Variants in MINDY4B observed in about 807,000 individuals in gnomAD.
MINDY4B encodes the protein MINDY family member 4B, also known as inactive ubiquitin carboxyl-terminal hydrolase MINDY-4B.
Under a neutral mutation model 16.7 loss-of-function variants are expected in MINDY4B, and 25 were observed. The observed-to-expected ratio is 1.49, with a 90% CI of 1.09 to 2.09. MINDY4B has a LOEUF of 2.09. Ranked by LOEUF, MINDY4B falls within the 30% of genes most tolerant of loss-of-function variation. The pLI is 0.00. For missense variants in MINDY4B, 327 were observed against 168.4 expected (o/e 1.94, Z -5.21); for synonymous variants, 132 against 61.9 (o/e 2.13, Z -5.32).
chr3:150,893,692 T>G (rs1238329211), intron 4 of MINDY4B, among the ~76,000 whole-genome samples: 2 of 60,968 alleles, frequency 3.3e-5, no homozygotes, highest in African/African-American at 8.7e-5. Context: ...TAGTAGTTTT[T>G]TTTTGGGGGG....
intron 2 of MINDY4B, among the ~76,000 whole-genome samples, chr3:150,904,505 G>A (rs1352428154): frequency 6.6e-6 from 1 of 152,102 alleles, no homozygotes; most frequent in East Asian, 1.9e-4. Flanking sequence ...TTTATGCTGT[G>A]TTTGCTCAGT....
chr3:150,891,288 G>T, intron 5 of MINDY4B, 185 bp from the exon 6 acceptor site: 1 of 573,750 alleles, frequency 1.7e-6, no homozygotes, highest in South Asian at 2.1e-5. Flanking sequence ...CTCAGGGTCT[G>T]TCTAGCCTTC....
chr3:150,897,707 C>T lies in MINDY4B; in HGVS notation c.310-3402G>A, dbSNP rs1047710844. Among the ~76,000 whole-genome samples, 122 of 152,194 alleles carry T rather than the reference C, an allele frequency of 8.0e-4. 1 individual carries two copies. The highest frequency in any genetic ancestry group is 2.6e-3 in the African/African-American group (107 of 41,456). On this transcript the variant is annotated intron_variant, in intron 3 of 11. Coordinates refer to ENST00000465419, the MANE Select transcript of MINDY4B (RefSeq NM_001351281.2). ...CCCTCAAAAGAAAAGGTTGTCTCTA[C>T]TGAGAAAAGGGGGCAGGTGCACTTC... is the stretch of plus-strand genomic sequence containing the variant.
chr3:150,891,290 C>G, intron 5 of MINDY4B, 187 bp from the exon 6 acceptor site: 6 of 573,870 alleles, frequency 1.0e-5, no homozygotes, highest in Non-Finnish European at 1.9e-5. Flanking sequence ...CAGGGTCTGT[C>G]TAGCCTTCCC....
In MINDY4B at chr3:150,893,325, T is replaced by C; in HGVS notation, c.520A>G (p.Asn174Asp). 1 of 702,776 alleles carries C rather than the reference T, an allele frequency of 1.4e-6. No homozygotes were observed. The highest frequency in any genetic ancestry group is 2.6e-6 in the Non-Finnish European group (1 of 384,826). The allele number at this position is 702,776 out of a possible 1,614,324, so 43.5% of individuals were successfully genotyped here. ...AAGTACTTCTCACAGTCCTCTTACT[T>C]GCCAAGGTTACAGTCTTTTCCTTTC... is the stretch of plus-strand genomic sequence containing the variant. The part of the protein sequence containing the change: ...TRKGKDCNLG[N>D]LCEISKKEQE... The change falls in exon 5 of 12, where the codon AAC becomes GAC. Residue 174 changes from asparagine to aspartate, a missense_variant and splice_region_variant. By Grantham distance (23) the Asn-to-Asp change is conservative. Transcript: ENST00000465419.
At chr3:150,874,657 A>G (rs557735766) in intron 10 of MINDY4B, among the ~76,000 whole-genome samples, 1 of 152,190 alleles carries the variant, frequency 6.6e-6, no homozygotes, top group Admixed American at 6.5e-5. Context: ...TTGCCATTCT[A>G]TTTCTTTTCT....
intron 7 of MINDY4B, among the ~76,000 whole-genome samples, chr3:150,888,877 G>T (rs1332563196): frequency 6.6e-6 from 1 of 152,160 alleles, no homozygotes; most frequent in Non-Finnish European, 1.5e-5. Context: ...TGGGTGGAGG[G>T]GGTTCTTCCT....
At position 150,903,751 on chromosome 3, in the gene MINDY4B, A is replaced by C. The variant is rs77040125; in HGVS notation, c.142-335T>G. 2.8e-4 allele frequency among the ~76,000 whole-genome samples: 42 copies of C among 152,362 alleles called. No homozygotes were observed. The East Asian group carries it at 7.1e-3, about 26-fold the overall frequency. ...GTTTTGAGAAGACAACATTTTATAA[A>C]CTTTGAACGAATCTTTCCAGTTTAC... is the stretch of plus-strand genomic sequence containing the variant. On this transcript the variant is annotated intron_variant, in intron 2 of 11. Transcript: ENST00000465419.
intron 10 of MINDY4B, among the ~76,000 whole-genome samples, chr3:150,876,776 C>T (rs1711497460): frequency 6.6e-6 from 1 of 152,068 alleles, no homozygotes; most frequent in Non-Finnish European, 1.5e-5. Context: ...TGGCTTCAGT[C>T]CCTGAAAAAT....
At chr3:150,879,159 T>C (rs1462815074) in intron 10 of MINDY4B, among the ~76,000 whole-genome samples, 1 of 152,216 alleles carries the variant, frequency 6.6e-6, no homozygotes, top group Non-Finnish European at 1.5e-5. Flanking sequence ...GATATACTCT[T>C]TCTTGTAAGT....
chr3:150,902,014 G>A lies in MINDY4B; in HGVS notation c.309+1235C>T, dbSNP rs966008305. On this transcript the variant is annotated intron_variant, in intron 3 of 11. Coordinates refer to ENST00000465419, the MANE Select transcript of MINDY4B (RefSeq NM_001351281.2). ...GGGGAGCTTAAGGAAAGGTTATATCGAAGCTGGAAATACCGCAGTCAGGGT... is the reference window on the plus strand; with the variant it reads ...GGGGAGCTTAAGGAAAGGTTATATCAAAGCTGGAAATACCGCAGTCAGGGT... 1.1e-4 allele frequency among the ~76,000 whole-genome samples: 16 copies of A among 152,212 alleles called. No individual in the cohort carries two copies. The South Asian group carries it at 2.5e-3, about 24-fold the overall frequency.
At chr3:150,897,019 A>G (rs1711989588) in intron 3 of MINDY4B, among the ~76,000 whole-genome samples, 1 of 152,214 alleles carries the variant, frequency 6.6e-6, no homozygotes, top group African/African-American at 2.4e-5. Flanking sequence ...GAAGTATTAA[A>G]GAGGTGTGAA....
chr3:150,884,153 T>A (rs1300166030), intron 8 of MINDY4B, among the ~76,000 whole-genome samples: 1 of 152,184 alleles, frequency 6.6e-6, no homozygotes, highest in Admixed American at 6.5e-5. Context: ...TCTCAACAGA[T>A]TGTCCAAATG....
rs1221751913 is a variant in MINDY4B, at chr3:150,882,931, C to T, written c.1025G>A (p.Gly342Asp). ...TCTGTCATCTTCCGAGGCATCCTTACCCCACTGCAAATAGCCAACATCACT... is the reference window on the plus strand; with the variant it reads ...TCTGTCATCTTCCGAGGCATCCTTATCCCACTGCAAATAGCCAACATCACT... ...TRSDVGYLQW[G>D]KDASEDDRLS... Residue 342 changes from glycine to aspartate, a missense_variant, in exon 10 of 12, where the codon GGT becomes GAT. Coordinates refer to ENST00000465419, the MANE Select transcript of MINDY4B (RefSeq NM_001351281.2). The T allele has an allele frequency of 8.5e-6, 6 of 702,718 alleles. No individual in the cohort carries two copies. The highest frequency in any genetic ancestry group is 1.6e-5 in the Non-Finnish European group (6 of 384,744). 43.5% of individuals were successfully genotyped at this position (702,718 alleles called of 1,614,324 possible).
At chr3:150,904,497 T>C (rs1712194781) in intron 2 of MINDY4B, among the ~76,000 whole-genome samples, 1 of 152,350 alleles carries the variant, frequency 6.6e-6, no homozygotes, top group East Asian at 1.9e-4. Context: ...CTTAATATTT[T>C]ATGCTGTGTT....
chr3:150,875,853 AG>A (rs1036550509), intron 10 of MINDY4B, among the ~76,000 whole-genome samples: 1 of 152,232 alleles, frequency 6.6e-6, no homozygotes, highest in African/African-American at 2.4e-5. Flanking sequence ...GTTTAAAGTG[AG>A]TCCTGCAAAA....
At chr3:150,905,030 G>A (rs754397834) in intron 2 of MINDY4B, 32 bp downstream of exon 2, 10 of 398,370 alleles carry the variant, frequency 2.5e-5, no homozygotes, top group Non-Finnish European at 4.4e-5. Flanking sequence ...GCAACTAAAG[G>A]AGAACACACT....
intron 11 of MINDY4B, among the ~76,000 whole-genome samples, chr3:150,872,684 C>G (rs1716997707): frequency 6.6e-6 from 1 of 152,240 alleles, no homozygotes; most frequent in Admixed American, 6.5e-5. Flanking sequence ...TTCCCAGTGT[C>G]TAGCCCCATG....
intron 3 of MINDY4B, chr3:150,901,522 CTTTT>C (rs10556676): frequency 1.5e-3 from 204 of 134,984 alleles, no homozygotes; most frequent in South Asian, 0.013. Flanking sequence ...CTTTTCTTTT[CTTTT>C]TTTTTTTTTT....
Sources: allele counts gnomAD v4.1 joint callset (sites outside exome capture counted in the v4.1 genomes callset), GRCh38; gene constraint gnomAD v4.1.1; transcripts MANE v1.5; gene names NCBI Gene and HGNC (gene_info 2026-07-23, HGNC 2026-07-21).